EXPH5: variants seen among roughly 807,000 people sequenced by gnomAD.
EXPH5 encodes the protein exophilin-5.
In EXPH5, 42 loss-of-function variants were observed where a neutral mutation model predicts 41.1. The ratio of observed to expected loss-of-function variants is 1.02; its 90% CI spans 0.80 to 1.32. The LOEUF (loss-of-function observed/expected upper bound fraction) is 1.32. Ranked by LOEUF, EXPH5 falls within the 40% of genes most tolerant of loss-of-function variation. The pLI, the probability that EXPH5 is intolerant of heterozygous loss-of-function variation, is 0.00. For missense variants in EXPH5, 2,298 were observed against 2,314.5 expected (o/e 0.99, Z 0.15); for synonymous variants, 798 against 833.5 (o/e 0.96, Z 0.73).
intron 4 of EXPH5, among the ~76,000 whole-genome samples, chr11:108,527,275 A>G (rs750499764): frequency 6.6e-6 from 1 of 152,124 alleles, no homozygotes; most frequent in African/African-American, 2.4e-5. Flanking sequence ...AGCCAAGATC[A>G]TACCACTGTA....
At chr11:108,584,670 C>T (rs1003174722) in intron 1 of EXPH5, among the ~76,000 whole-genome samples, 1 of 152,142 alleles carries the variant, frequency 6.6e-6, no homozygotes, top group Non-Finnish European at 1.5e-5. Flanking sequence ...GAAGGACAGT[C>T]TTTCAACAAT....
chr11:108,531,074 T>C (rs1422538093), intron 3 of EXPH5, among the ~76,000 whole-genome samples: 1 of 152,186 alleles, frequency 6.6e-6, no homozygotes, highest in Non-Finnish European at 1.5e-5. Flanking sequence ...AGTTACCTCA[T>C]CTTTTGCATT....
At chr11:108,571,484 TGCTTTTTCTACTCTGAGGAGTGAAGA>T (rs2094060009) in intron 1 of EXPH5, among the ~76,000 whole-genome samples, 2 of 152,194 alleles carry the variant, frequency 1.3e-5, no homozygotes, top group Admixed American at 1.3e-4. Context: ...GAATTCCGCC[TGCTTTTTCTACTCTGAGGAGTGAAGA>T]GCTTTTTTTA....
chr11:108,578,704 T>C (rs1208841061), intron 1 of EXPH5, among the ~76,000 whole-genome samples: 4 of 152,242 alleles, frequency 2.6e-5, no homozygotes. Flanking sequence ...CTCTTCACTT[T>C]CTATCATCAG....
In EXPH5 at chr11:108,515,868, T is replaced by C. The variant is rs564205001; in HGVS notation, c.632-993A>G. Among the ~76,000 whole-genome samples, 5 of 151,940 alleles carry C rather than the reference T, an allele frequency of 3.3e-5. No homozygotes were observed. In the South Asian group the frequency reaches 1.0e-3, roughly 31 times the overall value. ...CGGGCGGATCACGAGGTCAGGAGAT[T>C]GAGACCATCCTGGCTAACATGGTGA... On this transcript the variant is annotated intron_variant, in intron 5 of 5. Coordinates refer to ENST00000265843, the MANE Select transcript of EXPH5 (RefSeq NM_015065.3).
chr11:108,537,877 G>A lies in EXPH5; in HGVS notation c.443+1147C>T, dbSNP rs143665666. 1.2e-3 allele frequency: 725 copies of A among 615,764 alleles called. 5 individuals are homozygous for A. In the African/African-American group the frequency reaches 0.014, roughly 12 times the overall value. The allele number at this position is 615,764 out of a possible 1,614,324, so 38.1% of individuals were successfully genotyped here. ...TTTCTCCCTCAAATAAATATTTACTGGGCAAGAAACACTTCTCAATTTTAA... is the reference window on the plus strand; with the variant it reads ...TTTCTCCCTCAAATAAATATTTACTAGGCAAGAAACACTTCTCAATTTTAA... On this transcript the variant is annotated intron_variant, in intron 3 of 5. Coordinates refer to ENST00000265843, the MANE Select transcript of EXPH5 (RefSeq NM_015065.3).
chr11:108,599,602 T>C, the EXPH5 span, among the ~76,000 whole-genome samples: 2 of 152,234 alleles, frequency 1.3e-5, no homozygotes, highest in African/African-American at 4.8e-5. Context: ...TGGTAGTTTT[T>C]ATGTTACTTC....
intron 1 of EXPH5, among the ~76,000 whole-genome samples, chr11:108,582,913 G>A (rs892852502): frequency 3.3e-5 from 5 of 151,950 alleles, no homozygotes; most frequent in Admixed American, 1.3e-4. Flanking sequence ...ATTAGAATAG[G>A]GCCCATCCTA....
At chr11:108,575,689 G>A (rs565967920) in intron 1 of EXPH5, among the ~76,000 whole-genome samples, 3 of 152,140 alleles carry the variant, frequency 2.0e-5, no homozygotes, top group Non-Finnish European at 4.4e-5. Flanking sequence ...TAATGTGGGC[G>A]AAGGCTGGGT....
At chr11:108,524,378 T>C (rs988647547) in intron 4 of EXPH5, among the ~76,000 whole-genome samples, 7 of 152,266 alleles carry the variant, frequency 4.6e-5, no homozygotes, top group African/African-American at 1.7e-4. Flanking sequence ...TTAGTAATCC[T>C]TATTGTTGCT....
At chr11:108,534,660 A>C (rs1202464488) in intron 3 of EXPH5, among the ~76,000 whole-genome samples, 1 of 152,190 alleles carries the variant, frequency 6.6e-6, no homozygotes, top group African/African-American at 2.4e-5. Flanking sequence ...AGTCTGAGTT[A>C]AGTGGTTCTA....
intron 3 of EXPH5, among the ~76,000 whole-genome samples, chr11:108,535,522 C>T (rs147414364): frequency 5.5e-4 from 83 of 152,018 alleles, no homozygotes; most frequent in Admixed American, 3.5e-3. Flanking sequence ...CAACTAGCAA[C>T]GAGCAAGAGT....
intron 1 of EXPH5, among the ~76,000 whole-genome samples, chr11:108,561,306 A>G (rs2094010704): frequency 6.6e-6 from 1 of 152,208 alleles, no homozygotes; most frequent in Non-Finnish European, 1.5e-5. Flanking sequence ...TCCCTTTGAC[A>G]TTATTGGCAT....
chr11:108,589,890 G>A (rs2094123365), intron 1 of EXPH5, among the ~76,000 whole-genome samples: 1 of 152,084 alleles, frequency 6.6e-6, no homozygotes, highest in African/African-American at 2.4e-5. Flanking sequence ...TACCTAATGA[G>A]GTTATTGGGA....
At position 108,509,523 on chromosome 11, in the gene EXPH5, T is replaced by C; in HGVS notation, c.*14A>G. ...CTTTTGGTGAAAAAAGTAAAGCATT[T>C]TATTGAAAAAGCCTCACAGTTCTGA... On this transcript the variant is annotated 3_prime_UTR_variant, in exon 6 of 6. Coordinates refer to ENST00000265843, the MANE Select transcript of EXPH5 (RefSeq NM_015065.3). 1 of 1,531,168 alleles carries C rather than the reference T, an allele frequency of 6.5e-7. No homozygotes were observed. The highest frequency in any genetic ancestry group is 1.3e-5 in the South Asian group (1 of 75,146). 94.8% of individuals were successfully genotyped at this position (1,531,168 alleles called of 1,614,324 possible).
intron 2 of EXPH5, among the ~76,000 whole-genome samples, chr11:108,540,740 G>C (rs1440715621): frequency 1.3e-5 from 2 of 151,990 alleles, no homozygotes; most frequent in Admixed American, 1.3e-4. Context: ...CATTCATGGA[G>C]TTTACCAAAG....
intron 1 of EXPH5, among the ~76,000 whole-genome samples, chr11:108,587,551 G>C (rs1027153645): frequency 6.6e-6 from 1 of 152,148 alleles, no homozygotes; most frequent in African/African-American, 2.4e-5. Context: ...CAACTTACCT[G>C]TGCACACATT....
intron 1 of EXPH5, among the ~76,000 whole-genome samples, chr11:108,593,156 C>A (rs1042675995): frequency 1.3e-5 from 2 of 152,220 alleles, no homozygotes; most frequent in Non-Finnish European, 2.9e-5. Context: ...CCGCAGCGCA[C>A]GGACCCCCCC....
intron 4 of EXPH5, among the ~76,000 whole-genome samples, chr11:108,525,281 C>A (rs1211402244): frequency 1.3e-5 from 2 of 152,212 alleles, no homozygotes; most frequent in Non-Finnish European, 2.9e-5. Context: ...GGAGCCCACA[C>A]CAATCTGGAC....
Sources: allele counts gnomAD v4.1 joint callset (sites outside exome capture counted in the v4.1 genomes callset), GRCh38; gene constraint gnomAD v4.1.1; transcripts MANE v1.5; gene names NCBI Gene and HGNC (gene_info 2026-07-23, HGNC 2026-07-21).